The following CDC27 variants were observed in gnomAD, a reference collection of about 807,000 sequenced individuals.
The protein encoded by CDC27 is cell division cycle 27.
In CDC27, 27 loss-of-function variants were observed where a neutral mutation model predicts 109.7. That is an observed-to-expected ratio of 0.25 (90% CI 0.18 to 0.34). The LOEUF (loss-of-function observed/expected upper bound fraction) is 0.34. Among genes scored for constraint, CDC27 ranks in the 10% least tolerant of loss-of-function variants. The pLI, the probability that CDC27 is intolerant of heterozygous loss-of-function variation, is 1.00. For synonymous variants in CDC27, 266 were observed against 333.9 expected (o/e 0.80, Z 2.22); for missense variants, 579 against 960.2 (o/e 0.60, Z 5.25).
At chr17:47,188,759 A>G (rs2064550129) in intron 1 of CDC27, 2 of 1,054,640 alleles carry the variant, frequency 1.9e-6, no homozygotes, top group African/African-American at 3.3e-5. Context: ...CACGAAGATC[A>G]CACAAGCTCC....
intron 2 of CDC27, among the ~76,000 whole-genome samples, chr17:47,173,759 C>T (rs890133307): frequency 6.6e-6 from 1 of 152,132 alleles, no homozygotes; most frequent in Non-Finnish European, 1.5e-5. Context: ...ATTATATGTT[C>T]AAATGGGAAT....
chr17:47,130,187 C>T (rs928862432), intron 15 of CDC27, among the ~76,000 whole-genome samples: 3 of 152,006 alleles, frequency 2.0e-5, no homozygotes, highest in Non-Finnish European at 4.4e-5. Context: ...CGGTGAAACC[C>T]CATCTCTACT....
chr17:47,149,759 A>G (rs2063098238), intron 9 of CDC27, among the ~76,000 whole-genome samples: 1 of 151,954 alleles, frequency 6.6e-6, no homozygotes, highest in Admixed American at 6.6e-5. Flanking sequence ...GTTTGACGCT[A>G]GCCTGGCCAA....
chr17:47,120,399 C>T lies in CDC27; in HGVS notation c.*536G>A, dbSNP rs2061955062. On this transcript the variant is annotated 3_prime_UTR_variant, in exon 19 of 19. Transcript: ENST00000066544. Reference sequence around the variant, plus strand: ...TTACATTTGTTTATGGGAGATACTGCAAGTTTAAGGTAATTTACATTCCTT... The same window carrying T: ...TTACATTTGTTTATGGGAGATACTGTAAGTTTAAGGTAATTTACATTCCTT... The T allele has an allele frequency of 6.5e-6, 1 of 153,146 alleles. No homozygotes were observed. The highest frequency in any genetic ancestry group is 2.4e-5 in the African/African-American group (1 of 41,410). The allele number at this position is 153,146 out of a possible 1,614,324, so 9.5% of individuals were successfully genotyped here.
intron 12 of CDC27, among the ~76,000 whole-genome samples, 166 bp downstream of exon 12, chr17:47,141,687 A>G (rs2062797957): frequency 6.6e-6 from 1 of 152,224 alleles, no homozygotes; most frequent in South Asian, 2.1e-4. Flanking sequence ...TCCTTAACAC[A>G]AGAAAGAACT....
At chr17:47,159,494 A>G in intron 4 of CDC27, 1 of 545,580 alleles carries the variant, frequency 1.8e-6, no homozygotes, top group Non-Finnish European at 3.2e-6. Context: ...GACGAGGCGC[A>G]CCAGCACAGA....
chr17:47,136,207 G>A (rs536457799), intron 14 of CDC27, among the ~76,000 whole-genome samples: 6 of 152,192 alleles, frequency 3.9e-5, no homozygotes, highest in East Asian at 3.9e-4. Context: ...CATAGCTATC[G>A]GAAGAGACAG....
chr17:47,154,301 A>G (rs2063234505), intron 8 of CDC27, among the ~76,000 whole-genome samples: 3 of 152,196 alleles, frequency 2.0e-5, no homozygotes, highest in Non-Finnish European at 4.4e-5. Context: ...GGGACAAGTA[A>G]AAACTATGGC....
At chr17:47,149,465 C>T (rs1336549782) in intron 9 of CDC27, among the ~76,000 whole-genome samples, 1 of 139,580 alleles carries the variant, frequency 7.2e-6, no homozygotes, top group Admixed American at 7.5e-5. Context: ...GAGCCGAGAT[C>T]GTGCCACTGC....
chr17:47,156,031 T>C (rs1019518365), intron 7 of CDC27, among the ~76,000 whole-genome samples: 2 of 152,212 alleles, frequency 1.3e-5, no homozygotes, highest in Non-Finnish European at 2.9e-5. Flanking sequence ...GTGCCCTGAT[T>C]ATAACATTTC....
At position 47,151,784 on chromosome 17, in the gene CDC27, GAAT is replaced by G. The variant is rs2063158761; in HGVS notation, c.1070+19_1070+21del. 6.6e-7 allele frequency: 1 copy of G among 1,504,066 alleles called. No individual in the cohort carries two copies. Among genetic ancestry groups the G allele is most frequent in the Non-Finnish European group, 8.9e-7 (1 of 1,123,388 alleles). The allele number at this position is 1,504,066 out of a possible 1,614,324, so 93.2% of individuals were successfully genotyped here. A position where few individuals can be genotyped will look rare whatever the true frequency, so the allele number is the denominator to read the frequency against. On this transcript the variant is annotated intron_variant, in intron 9 of 18. Transcript: ENST00000066544. The stretch of plus-strand genomic sequence containing the variant: ...ATCAAGTTTTATGCCAAGAAAAGTT[GAAT>G]AATTACAATGATAAATACCTTGTTT...
intron 18 of CDC27, 58 bp from the exon 19 acceptor site, chr17:47,121,075 T>C: frequency 8.8e-7 from 1 of 1,133,448 alleles, no homozygotes; most frequent in South Asian, 1.3e-5. Context: ...TCCTGTTGGT[T>C]CATGAAAACA....
At chr17:47,180,254 T>C (rs2064171205) in intron 2 of CDC27, among the ~76,000 whole-genome samples, 1 of 152,198 alleles carries the variant, frequency 6.6e-6, no homozygotes, top group Admixed American at 6.5e-5. Context: ...TAATCTATTG[T>C]ATAATCTTCT....
At chr17:47,149,569 G>T (rs1434427152) in intron 9 of CDC27, among the ~76,000 whole-genome samples, 1 of 148,512 alleles carries the variant, frequency 6.7e-6, no homozygotes, top group East Asian at 2.0e-4. Flanking sequence ...GGAGGAAAAT[G>T]ATATCAGATC....
chr17:47,169,849 G>GT (rs2063761280), intron 4 of CDC27, 68 bp downstream of exon 4: 2 of 1,366,836 alleles, frequency 1.5e-6, no homozygotes, highest in Admixed American at 2.5e-5. Context: ...ATCAACATAG[G>GT]TTTTTTAAAC....
chr17:47,185,804 C>T lies in CDC27; in HGVS notation c.27+3342G>A, dbSNP rs1343247518. ...ATCACTGTTGAAATTTCATATTATA[C>T]ATTATAATTGAATTTCTAGGATACT... is the stretch of plus-strand genomic sequence containing the variant. On this transcript the variant is annotated intron_variant, in intron 1 of 18. Transcript: ENST00000066544. 2.0e-5 allele frequency among the ~76,000 whole-genome samples: 3 copies of T among 152,254 alleles called. No individual in the cohort carries two copies. In the East Asian group the frequency reaches 5.8e-4, roughly 29 times the overall value.
Position 47,189,268 on chromosome 17 carries a change from C to A in CDC27, c.-96G>T, listed in dbSNP as rs1598638053. 1.1e-6 allele frequency: 1 copy of A among 951,276 alleles called. No individual in the cohort carries two copies. The allele number at this position is 951,276 out of a possible 1,614,324, so 58.9% of individuals were successfully genotyped here. On this transcript the variant is annotated 5_prime_UTR_variant, in exon 1 of 19. Transcript: ENST00000066544. Reference sequence around the variant, plus strand: ...CTGCTCATTTAAACTCACCAGCGACCGTTACCGGGGGATGGGGGAGGCCGA... The same window carrying A: ...CTGCTCATTTAAACTCACCAGCGACAGTTACCGGGGGATGGGGGAGGCCGA...
At chr17:47,187,578 A>C (rs746727383) in intron 1 of CDC27, among the ~76,000 whole-genome samples, 1 of 152,130 alleles carries the variant, frequency 6.6e-6, no homozygotes, top group Non-Finnish European at 1.5e-5. Flanking sequence ...CTGGGATTTC[A>C]GGTGTAAGCC....
intron 4 of CDC27, 59 bp downstream of exon 4, chr17:47,169,858 A>ACAG: frequency 7.1e-7 from 1 of 1,415,890 alleles, no homozygotes; most frequent in Non-Finnish European, 9.5e-7. Context: ...GGTTTTTTAA[A>ACAG]CTATAAAACA....
Sources: gnomAD v4.1 joint callset for allele counts (sites outside exome capture counted in the v4.1 genomes callset) on GRCh38, gnomAD v4.1.1 for gene constraint, MANE v1.5 for transcripts, NCBI Gene and HGNC (gene_info 2026-07-23, HGNC 2026-07-21) for gene names.